Variants in RESF1 observed in about 807,000 individuals in gnomAD.
RESF1 encodes the protein gonad expressed transcript.
In RESF1, 65 loss-of-function variants were observed where a neutral mutation model predicts 134.7. That is an observed-to-expected ratio of 0.48 (90% confidence interval 0.40 to 0.59). The LOEUF is 0.59. Ranked by LOEUF, RESF1 falls within the 20% of genes least tolerant of loss-of-function variation. RESF1 has a pLI of 0.00. For missense variants in RESF1, 2,274 were observed against 2,002.7 expected (o/e 1.14, Z -2.59); for synonymous variants, 762 against 702.2 (o/e 1.09, Z -1.35).
At chr12:31,991,215 C>T (rs937538298) in intron 5 of RESF1, among the ~76,000 whole-genome samples, 2 of 149,716 alleles carry the variant, frequency 1.3e-5, no homozygotes, top group Admixed American at 6.6e-5. Flanking sequence ...AAAAAACCCA[C>T]AGGAGAAACA....
chr12:31,992,750 G>A lies in RESF1; in HGVS notation c.*215G>A. On this transcript the variant is annotated 3_prime_UTR_variant, in exon 6 of 6. Transcript: ENST00000312561. ...GGATGGTATTCACCGGGGAAACAAG[G>A]TATTTGAATTTCTACTTTATTGAAC... 3.8e-6 allele frequency: 2 copies of A among 531,300 alleles called. No individual in the cohort carries two copies. Among genetic ancestry groups the A allele is most frequent in the Non-Finnish European group, 6.7e-6 (2 of 299,030 alleles). The allele number at this position is 531,300 out of a possible 1,614,324, so 32.9% of individuals were successfully genotyped here.
chr12:31,961,288 C>T (rs977587886), intron 2 of RESF1, among the ~76,000 whole-genome samples: 1 of 152,194 alleles, frequency 6.6e-6, no homozygotes, highest in Admixed American at 6.5e-5. Context: ...GGGCTTTCAT[C>T]TGTAACCACA....
chr12:31,978,796 C>T (rs1273216869), intron 3 of RESF1, among the ~76,000 whole-genome samples: 7 of 149,484 alleles, frequency 4.7e-5, no homozygotes, highest in Non-Finnish European at 7.4e-5. Flanking sequence ...CTCCTGACCT[C>T]GTGATACCCC....
Position 31,983,857 on chromosome 12 carries a change from A to G in RESF1, c.2902A>G (p.Lys968Glu). The G allele has an allele frequency of 6.2e-7, 1 of 1,613,552 alleles. No homozygotes were observed. Among genetic ancestry groups the G allele is most frequent in the African/African-American group, 1.3e-5 (1 of 75,054 alleles). Residue 968 changes from lysine to glutamate, a missense_variant, in exon 4 of 6, where the codon AAA becomes GAA. Lys to Glu is a moderately conservative substitution (Grantham distance 56, BLOSUM62 1). Coordinates refer to ENST00000312561, the MANE Select transcript of RESF1 (RefSeq NM_018169.4). ...KPVQCTDVSH[K>E]ICDQSKSEPP... ...TGTACAGTGCACAGATGTTTCACAT[A>G]AAATATGTGATCAGTCAAAGTCAGA...
intron 5 of RESF1, among the ~76,000 whole-genome samples, chr12:31,989,626 C>G (rs113073931): frequency 0.013 from 1,968 of 152,184 alleles, 24 homozygotes; most frequent in Middle Eastern, 0.024. Flanking sequence ...CCGAGGCAGG[C>G]AGATCGCCTG....
At chr12:31,972,605 CAAAAAAA>C (rs71064904) in intron 3 of RESF1, among the ~76,000 whole-genome samples, 12,962 of 109,262 alleles carry the variant, frequency 0.12, 687 homozygotes, top group Non-Finnish European at 0.16. Flanking sequence ...GACTCCGTCT[CAAAAAAA>C]AAAAAAAAAA....
At chr12:31,962,768 C>T (rs1380708061) in intron 2 of RESF1, among the ~76,000 whole-genome samples, 3 of 152,156 alleles carry the variant, frequency 2.0e-5, no homozygotes, top group Non-Finnish European at 4.4e-5. Context: ...TTTTCAAGCC[C>T]CAAAGGAGAA....
At chr12:31,969,754 C>A (rs1939468588) in intron 2 of RESF1, among the ~76,000 whole-genome samples, 1 of 152,112 alleles carries the variant, frequency 6.6e-6, no homozygotes, top group Non-Finnish European at 1.5e-5. Flanking sequence ...TGCCTCAGCC[C>A]CCCAAGTAGC....
Position 31,984,058 on chromosome 12 carries a change from G to A in RESF1, c.3103G>A (p.Asp1035Asn). The A allele has an allele frequency of 6.2e-7, 1 of 1,614,060 alleles. No individual in the cohort carries two copies. The highest frequency in any genetic ancestry group is 8.5e-7 in the Non-Finnish European group (1 of 1,180,000). ...TGCATCCAGCAACTATACTCCCCAA[G>A]ATCCTGCAAGAAATGAAATCCACAG... ...IDASSNYTPQ[D>N]PARNEIHSDK... Residue 1035 changes from aspartate (D) to asparagine (N), a missense_variant, in exon 4 of 6, where the codon GAT (aspartate) becomes AAT (asparagine). Asp to Asn is a conservative substitution (Grantham distance 23, BLOSUM62 1). Transcript: ENST00000312561.
chr12:31,991,751 A>G (rs1940096630), intron 5 of RESF1, among the ~76,000 whole-genome samples: 1 of 152,218 alleles, frequency 6.6e-6, no homozygotes, highest in East Asian at 1.9e-4. Flanking sequence ...GGGTTTCGCC[A>G]TGTTGGCCAG....
Position 31,992,622 on chromosome 12 carries a change from A to ATT in RESF1, c.*88_*89insTT. The ATT allele has an allele frequency of 7.9e-7, 1 of 1,270,952 alleles. No individual in the cohort carries two copies. Among genetic ancestry groups the ATT allele is most frequent in the Non-Finnish European group, 1.1e-6 (1 of 888,966 alleles). The allele number at this position is 1,270,952 out of a possible 1,614,324, so 78.7% of individuals were successfully genotyped here. On this transcript the variant is annotated 3_prime_UTR_variant, in exon 6 of 6. Coordinates refer to ENST00000312561, the MANE Select transcript of RESF1 (RefSeq NM_018169.4). ...TTCGCTGAAACTAATGAGAAATGCC[A>ATT]TGATAAAGATTTCTCAGAGTTTGGT... is the stretch of plus-strand genomic sequence containing the variant.
rs1939791953 is a variant in RESF1 at position 31,981,534 on chromosome 12, A to G, written c.579A>G (p.Gln193=). 6.2e-7 allele frequency: 1 copy of G among 1,614,128 alleles called. No individual in the cohort carries two copies. Among genetic ancestry groups the G allele is most frequent in the South Asian group, 1.1e-5 (1 of 91,078 alleles). Residue 193 remains glutamine (Q), a synonymous_variant, in exon 4 of 6, where the codon CAA becomes CAG. Transcript: ENST00000312561. ...NQGLNQSFSE[Q]QVDWTQQCIS... Reference sequence around the variant, plus strand: ...GACTTAACCAGTCTTTTTCAGAGCAACAGGTTGATTGGACACAACAGTGTA... The same window carrying G: ...GACTTAACCAGTCTTTTTCAGAGCAGCAGGTTGATTGGACACAACAGTGTA...
chr12:31,966,935 T>A (rs1239294775), intron 2 of RESF1, among the ~76,000 whole-genome samples: 3 of 152,188 alleles, frequency 2.0e-5, no homozygotes, highest in Non-Finnish European at 4.4e-5. Flanking sequence ...TCATAGACCA[T>A]GGAGGCAAAG....
intron 3 of RESF1, among the ~76,000 whole-genome samples, chr12:31,979,931 C>G (rs576001271): frequency 3.7e-4 from 56 of 151,662 alleles, no homozygotes; most frequent in African/African-American, 1.3e-3. Flanking sequence ...CTAAAAGTTC[C>G]AACCGTCTAA....
In RESF1 at chr12:31,983,830, C is replaced by A. The variant is rs750204989; in HGVS notation, c.2875C>A (p.Pro959Thr). The A allele has an allele frequency of 6.2e-7, 1 of 1,613,082 alleles. No homozygotes were observed. The highest frequency in any genetic ancestry group is 1.3e-5 in the African/African-American group (1 of 74,898). Reference protein sequence around the residue: ...NKDFGFQKDKPVQCTDVSHKI... With the variant: ...NKDFGFQKDKTVQCTDVSHKI... The stretch of plus-strand genomic sequence containing the variant: ...AGACTTTGGTTTTCAAAAAGATAAA[C>A]CTGTACAGTGCACAGATGTTTCACA... Residue 959 changes from proline (P) to threonine (T), a missense_variant, in exon 4 of 6, where the codon CCT becomes ACT. Physicochemically the swap from Pro to Thr is conservative, Grantham distance 38. Coordinates refer to ENST00000312561, the MANE Select transcript of RESF1 (RefSeq NM_018169.4).
chr12:31,974,287 T>A (rs930114519), intron 3 of RESF1, among the ~76,000 whole-genome samples: 1 of 151,924 alleles, frequency 6.6e-6, no homozygotes, highest in African/African-American at 2.4e-5. Context: ...TGCAAAAGAT[T>A]GTATACCCCA....
intron 3 of RESF1, among the ~76,000 whole-genome samples, chr12:31,977,384 CCATGTTGGT>C (rs1458246770): frequency 3.3e-5 from 5 of 152,096 alleles, no homozygotes; most frequent in African/African-American, 1.2e-4. Context: ...GCTTCACCAT[CCATGTTGGT>C]CAGGTTGGTC....
rs149470712 is a variant in RESF1, at chr12:31,983,734, T to A, written c.2779T>A (p.Ser927Thr). 2 of 1,613,834 alleles carry A rather than the reference T, an allele frequency of 1.2e-6. No homozygotes were observed. The highest frequency in any genetic ancestry group is 1.7e-6 in the Non-Finnish European group (2 of 1,179,972). The change falls in exon 4 of 6, where the codon TCT becomes ACT. Residue 927 changes from serine to threonine, a missense_variant. By Grantham distance (58) the Ser-to-Thr change is moderately conservative. Coordinates refer to ENST00000312561, the MANE Select transcript of RESF1 (RefSeq NM_018169.4). ...PLKMVEPQKP[S>T]LPNQQGIGSR... ...GAAAATGGTTGAGCCACAGAAACCTTCTCTACCCAATCAGCAAGGGATTGG... is the reference window on the plus strand; with the variant it reads ...GAAAATGGTTGAGCCACAGAAACCTACTCTACCCAATCAGCAAGGGATTGG...
chr12:31,967,404 G>C (rs1939420141), intron 2 of RESF1, among the ~76,000 whole-genome samples: 1 of 152,200 alleles, frequency 6.6e-6, no homozygotes. Flanking sequence ...TCAAATGTTA[G>C]TTGTTTATAG....
Sources: allele counts gnomAD v4.1 joint callset (sites outside exome capture counted in the v4.1 genomes callset), GRCh38; gene constraint gnomAD v4.1.1; transcripts MANE v1.5; gene names NCBI Gene and HGNC (gene_info 2026-07-23, HGNC 2026-07-21).